SDK1: variants seen among roughly 807,000 people sequenced by gnomAD.
SDK1 encodes protein sidekick-1.
SDK1 carries 157 observed loss-of-function variants against 245.5 expected under a neutral mutation model. The ratio of observed to expected loss-of-function variants is 0.64; its 90% CI spans 0.56 to 0.73. SDK1 has a LOEUF of 0.73. Ranked by LOEUF, SDK1 falls within the 30% of genes least tolerant of loss-of-function variation. The pLI, the probability that SDK1 is intolerant of heterozygous loss-of-function variation, is 0.00. For synonymous variants in SDK1, 1,647 were observed against 1,278.5 expected (o/e 1.29, Z -6.15); for missense variants, 3,583 against 3,002.3 (o/e 1.19, Z -4.52).
At chr7:3,950,872 G>A (rs1485037847) in intron 5 of SDK1, 51 bp from the exon 6 acceptor site, 6 of 1,405,350 alleles carry the variant, frequency 4.3e-6, no homozygotes, top group Non-Finnish European at 5.9e-6. Context: ...AACGGCGGGG[G>A]GTGCTCCTGT....
intron 1 of SDK1, among the ~76,000 whole-genome samples, chr7:3,555,272 A>G (rs1779551094): frequency 6.6e-6 from 1 of 152,120 alleles, no homozygotes. Flanking sequence ...TCCAGAAATA[A>G]ATCTATACAC....
intron 30 of SDK1, among the ~76,000 whole-genome samples, 198 bp downstream of exon 30, chr7:4,149,661 C>T (rs1780223359): frequency 2.0e-5 from 3 of 152,172 alleles, no homozygotes; most frequent in African/African-American, 7.2e-5. Flanking sequence ...GGGCCCACCC[C>T]CAGCCGCTTC....
intron 1 of SDK1, among the ~76,000 whole-genome samples, chr7:3,478,036 A>AG (rs1281640157): frequency 7.2e-5 from 11 of 152,186 alleles, no homozygotes; most frequent in African/African-American, 2.4e-4. Flanking sequence ...CATACTCCTT[A>AG]GGAAACTTTA....
chr7:3,883,896 C>A (rs955776906), intron 5 of SDK1, among the ~76,000 whole-genome samples: 16 of 152,102 alleles, frequency 1.1e-4, no homozygotes. Flanking sequence ...CCTCAATATT[C>A]CTACTTTTAA....
intron 1 of SDK1, among the ~76,000 whole-genome samples, chr7:3,579,445 T>C (rs1022392878): frequency 6.6e-6 from 1 of 152,198 alleles, no homozygotes; most frequent in Non-Finnish European, 1.5e-5. Flanking sequence ...TCTCAATAGG[T>C]GCAGAAAAGG....
At chr7:3,826,783 C>T (rs1312879887) in intron 5 of SDK1, among the ~76,000 whole-genome samples, 2 of 152,188 alleles carry the variant, frequency 1.3e-5, no homozygotes, top group African/African-American at 4.8e-5. Flanking sequence ...TAATAAATAA[C>T]ATTGAAACTT....
At chr7:4,261,310 A>G (rs533632012) in intron 44 of SDK1, among the ~76,000 whole-genome samples, 10 of 152,036 alleles carry the variant, frequency 6.6e-5, no homozygotes, top group African/African-American at 2.2e-4. Flanking sequence ...CACTCACCGC[A>G]CCCAGGGACG....
intron 4 of SDK1, among the ~76,000 whole-genome samples, chr7:3,756,948 G>C (rs1471924423): frequency 6.6e-6 from 1 of 152,110 alleles, no homozygotes; most frequent in Non-Finnish European, 1.5e-5. Flanking sequence ...GTGACAGTTA[G>C]GGTTTTCCAC....
intron 4 of SDK1, among the ~76,000 whole-genome samples, chr7:3,778,232 G>C (rs924748671): frequency 6.6e-6 from 1 of 151,580 alleles, no homozygotes; most frequent in Non-Finnish European, 1.5e-5. Flanking sequence ...TTTGAAGCTG[G>C]AGGTTTTTTT....
chr7:3,386,328 A>T (rs891426242), intron 1 of SDK1, among the ~76,000 whole-genome samples: 1 of 152,176 alleles, frequency 6.6e-6, no homozygotes, highest in Non-Finnish European at 1.5e-5. Context: ...AGCTATCATG[A>T]ATTTCTGAAT....
rs571466073 is a variant in SDK1 at position 3,464,889 on chromosome 7, A to G, written c.299-154191A>G. Reference sequence around the variant, plus strand: ...CATGTTAAATTTGTCCTTGGGAAACATAGACATTTATGTGATTTTTTTTCC... The same window carrying G: ...CATGTTAAATTTGTCCTTGGGAAACGTAGACATTTATGTGATTTTTTTTCC... On this transcript the variant is annotated intron_variant, in intron 1 of 44. Transcript: ENST00000404826. 4.6e-5 allele frequency among the ~76,000 whole-genome samples: 7 copies of G among 152,276 alleles called. No individual in the cohort carries two copies. In the South Asian group the frequency reaches 1.2e-3, roughly 27 times the overall value.
At chr7:3,910,567 C>G (rs1779129324) in intron 5 of SDK1, among the ~76,000 whole-genome samples, 1 of 152,214 alleles carries the variant, frequency 6.6e-6, no homozygotes. Context: ...CCATCCTAGT[C>G]TGAAGCTTTT....
chr7:4,033,469 T>G (rs754716912), intron 17 of SDK1, among the ~76,000 whole-genome samples: 1 of 152,124 alleles, frequency 6.6e-6, no homozygotes, highest in South Asian at 2.1e-4. Context: ...ACTGACTATT[T>G]AGAAGCTTTA....
At chr7:3,455,481 A>G (rs1428257884) in intron 1 of SDK1, among the ~76,000 whole-genome samples, 1 of 150,014 alleles carries the variant, frequency 6.7e-6, no homozygotes, top group Non-Finnish European at 1.5e-5. Context: ...GTGGAGATTC[A>G]TTTTTCTTTT....
At position 3,984,187 on chromosome 7, in the gene SDK1, G is replaced by A. The variant is rs186320235; in HGVS notation, c.1995-2999G>A. ...CTCTGACTAGAATCACATCCTAGCT[G>A]AGAGGGGGCAGAGGGATGGAGGGAC... On this transcript the variant is annotated intron_variant, in intron 13 of 44. Transcript: ENST00000404826. Among the ~76,000 whole-genome samples the A allele has an allele frequency of 1.5e-4, 23 of 152,264 alleles. No individual in the cohort carries two copies. The East Asian group carries it at 4.1e-3, about 27-fold the overall frequency.
At chr7:3,423,012 TGTTA>T (rs1779575522) in intron 1 of SDK1, among the ~76,000 whole-genome samples, 1 of 152,226 alleles carries the variant, frequency 6.6e-6, no homozygotes, top group South Asian at 2.1e-4. Context: ...ATTATAGATA[TGTTA>T]GTTTTAAAGT....
At chr7:4,238,699 T>C (rs1395078150) in intron 42 of SDK1, among the ~76,000 whole-genome samples, 4 of 151,168 alleles carry the variant, frequency 2.6e-5, no homozygotes, top group African/African-American at 9.7e-5. Context: ...CAGGCATGCA[T>C]CTCCACGCCC....
chr7:4,166,463 G>T (rs577634419), intron 32 of SDK1, among the ~76,000 whole-genome samples: 2 of 152,268 alleles, frequency 1.3e-5, no homozygotes, highest in Non-Finnish European at 2.9e-5. Flanking sequence ...GGACTGCCAG[G>T]CCCCTGCAGT....
intron 4 of SDK1, among the ~76,000 whole-genome samples, chr7:3,795,332 A>T (rs1325681067): frequency 1.3e-5 from 2 of 152,074 alleles, no homozygotes; most frequent in Non-Finnish European, 2.9e-5. Context: ...GGCAGGCCCC[A>T]CGAGACTTGG....
Sources: gnomAD v4.1 joint callset for allele counts (sites outside exome capture counted in the v4.1 genomes callset) on GRCh38, gnomAD v4.1.1 for gene constraint, MANE v1.5 for transcripts, NCBI Gene and HGNC (gene_info 2026-07-23, HGNC 2026-07-21) for gene names.